LTBP1: variants seen among roughly 807,000 people sequenced by gnomAD.
The protein encoded by LTBP1 is latent transforming growth factor beta binding protein 1, also known as latent-transforming growth factor beta-binding protein 1.
In LTBP1, 129 loss-of-function variants were observed where a neutral mutation model predicts 207.6. That is an observed-to-expected ratio of 0.62 (90% CI 0.54 to 0.72). The LOEUF is 0.72. Ranked by LOEUF, LTBP1 falls within the 30% of genes least tolerant of loss-of-function variation. LTBP1 has a pLI of 0.00. For missense variants in LTBP1, 2,281 were observed against 2,217.2 expected (o/e 1.03, Z -0.58); for synonymous variants, 963 against 833.7 (o/e 1.16, Z -2.67).
chr2:33,117,322 C>G (rs1201272411), intron 4 of LTBP1, among the ~76,000 whole-genome samples: 1 of 152,168 alleles, frequency 6.6e-6, no homozygotes, highest in South Asian at 2.1e-4. Flanking sequence ...GGCTTCAGTT[C>G]AGGCTGACAT....
chr2:33,018,573 GAC>G (rs778545961), intron 2 of LTBP1, among the ~76,000 whole-genome samples: 5 of 152,200 alleles, frequency 3.3e-5, no homozygotes, highest in Non-Finnish European at 5.9e-5. Context: ...CCATTCCTGT[GAC>G]ATTCCAGAAA....
intron 4 of LTBP1, among the ~76,000 whole-genome samples, chr2:33,131,298 G>A (rs1247304968): frequency 6.6e-6 from 1 of 152,198 alleles, no homozygotes; most frequent in Non-Finnish European, 1.5e-5. Context: ...TGTGTCTACT[G>A]TTAGTGAATT....
intron 15 of LTBP1, among the ~76,000 whole-genome samples, chr2:33,264,509 A>G (rs1390957969): frequency 6.6e-6 from 1 of 152,184 alleles, no homozygotes; most frequent in African/African-American, 2.4e-5. Context: ...AAATGTCCAT[A>G]TCCTTAATGT....
Position 32,947,123 on chromosome 2 carries a change from C to A in LTBP1, c.-202C>A, listed in dbSNP as rs1040550428. 3 of 354,268 alleles carry A rather than the reference C, an allele frequency of 8.5e-6. No individual in the cohort carries two copies. The highest frequency in any genetic ancestry group is 4.3e-5 in the African/African-American group (2 of 46,756). The allele number at this position is 354,268 out of a possible 1,614,324, so 21.9% of individuals were successfully genotyped here. On this transcript the variant is annotated 5_prime_UTR_variant, in exon 1 of 34. Coordinates refer to ENST00000404816, the MANE Select transcript of LTBP1 (RefSeq NM_206943.4). ...TCCCCACCCCCACGCCCTCCTCCTG[C>A]TCCCAGCCACAATCGGCCGGGGTCT... is the stretch of plus-strand genomic sequence containing the variant.
chr2:33,050,272 A>G (rs1345082504), intron 3 of LTBP1, among the ~76,000 whole-genome samples: 1 of 151,522 alleles, frequency 6.6e-6, no homozygotes, highest in Non-Finnish European at 1.5e-5. Flanking sequence ...GGGTTGAGGA[A>G]TGTTCTGTTT....
rs563866624 is a variant in LTBP1, at chr2:33,078,017, A to G, written c.864-32565A>G. 1.1e-4 allele frequency among the ~76,000 whole-genome samples: 16 copies of G among 152,330 alleles called. 1 individual carries two copies. The South Asian group carries it at 2.7e-3, about 26-fold the overall frequency. On this transcript the variant is annotated intron_variant, in intron 3 of 33. Coordinates refer to ENST00000404816, the MANE Select transcript of LTBP1 (RefSeq NM_206943.4). ...AGGTTGAGTGGCTTACAGCATGTTC[A>G]TTCAGGAAGAGAGGCCAGTATGCAG...
intron 15 of LTBP1, among the ~76,000 whole-genome samples, chr2:33,264,473 A>G (rs751231725): frequency 6.6e-6 from 1 of 152,180 alleles, no homozygotes; most frequent in Non-Finnish European, 1.5e-5. Context: ...AAAATGTTTT[A>G]TATTCTGAAA....
At chr2:33,247,951 G>A (rs1266782623) in intron 10 of LTBP1, among the ~76,000 whole-genome samples, 1 of 152,212 alleles carries the variant, frequency 6.6e-6, no homozygotes, top group East Asian at 1.9e-4. Flanking sequence ...TTTCTCCAGA[G>A]CACCCCGGCT....
intron 7 of LTBP1, among the ~76,000 whole-genome samples, chr2:33,201,101 A>G (rs190341974): frequency 1.3e-5 from 2 of 152,320 alleles, no homozygotes; most frequent in African/African-American, 2.4e-5. Flanking sequence ...TAGAAATACC[A>G]TTTGACCCAG....
At chr2:33,061,412 G>C (rs1427371140) in intron 3 of LTBP1, 1 of 152,050 alleles carries the variant, frequency 6.6e-6, no homozygotes, top group Non-Finnish European at 1.5e-5. Flanking sequence ...GTGTACTTAT[G>C]TAATCCAAAA....
intron 4 of LTBP1, among the ~76,000 whole-genome samples, chr2:33,128,052 G>A (rs1462181231): frequency 6.6e-6 from 1 of 152,138 alleles, no homozygotes; most frequent in Non-Finnish European, 1.5e-5. Flanking sequence ...AAAGTGTGTG[G>A]TAGAGATAAT....
At chr2:33,387,905 T>G (rs975445698) in intron 31 of LTBP1, among the ~76,000 whole-genome samples, 5 of 152,204 alleles carry the variant, frequency 3.3e-5, no homozygotes, top group African/African-American at 9.6e-5. Flanking sequence ...CTTGTGTGAC[T>G]GCCCCACTCA....
At chr2:33,030,624 C>T (rs2075649706) in intron 3 of LTBP1, among the ~76,000 whole-genome samples, 1 of 152,192 alleles carries the variant, frequency 6.6e-6, no homozygotes, top group African/African-American at 2.4e-5. Context: ...ACTTCACAGT[C>T]TCCTTGATTA....
chr2:33,070,379 CG>C (rs2077729087), intron 3 of LTBP1, among the ~76,000 whole-genome samples: 1 of 152,202 alleles, frequency 6.6e-6, no homozygotes, highest in Non-Finnish European at 1.5e-5. Context: ...TCTGGGATGG[CG>C]AAACCTCTGA....
intron 33 of LTBP1, among the ~76,000 whole-genome samples, chr2:33,397,674 ATTT>A (rs71409616): frequency 0.023 from 2,657 of 117,462 alleles, 78 homozygotes; most frequent in African/African-American, 0.076. Context: ...CACCCGGCTA[ATTT>A]TTTTTTTTTT....
chr2:33,066,952 A>T (rs1445818063), intron 3 of LTBP1, among the ~76,000 whole-genome samples: 1 of 152,198 alleles, frequency 6.6e-6, no homozygotes, highest in Non-Finnish European at 1.5e-5. Context: ...GGATTGCCTG[A>T]GTCCAGGAGT....
chr2:33,258,716 A>G (rs1420317540), intron 12 of LTBP1, among the ~76,000 whole-genome samples: 4 of 152,164 alleles, frequency 2.6e-5, no homozygotes. Flanking sequence ...ATAGAAGGTT[A>G]TTGACTTTCT....
At chr2:33,104,785 G>A (rs1211864178) in intron 3 of LTBP1, among the ~76,000 whole-genome samples, 1 of 152,088 alleles carries the variant, frequency 6.6e-6, no homozygotes, top group Non-Finnish European at 1.5e-5. Flanking sequence ...CCTCTCCTTA[G>A]AGATCCACCC....
At chr2:33,234,075 A>T (rs1198084173) in intron 9 of LTBP1, among the ~76,000 whole-genome samples, 1 of 152,082 alleles carries the variant, frequency 6.6e-6, no homozygotes, top group Non-Finnish European at 1.5e-5. Flanking sequence ...TGTTTTCTTT[A>T]GTGTCTGGCT....
Sources: gnomAD v4.1 joint callset for allele counts (sites outside exome capture counted in the v4.1 genomes callset) on GRCh38, gnomAD v4.1.1 for gene constraint, MANE v1.5 for transcripts, NCBI Gene and HGNC (gene_info 2026-07-23, HGNC 2026-07-21) for gene names.